The following ASIC2 variants were observed in gnomAD, a reference collection of about 807,000 sequenced individuals.
The protein encoded by ASIC2 is acid-sensing ion channel 2.
Under a neutral mutation model 57.3 loss-of-function variants are expected in ASIC2, and 25 were observed. That is an observed-to-expected ratio of 0.44 (90% CI 0.32 to 0.61). The LOEUF is 0.61. Ranked by LOEUF, ASIC2 falls within the 20% of genes least tolerant of loss-of-function variation. ASIC2 has a pLI of 0.06. For synonymous variants in ASIC2, 319 were observed against 307.5 expected (o/e 1.04, Z -0.39); for missense variants, 641 against 738.1 (o/e 0.87, Z 1.52).
At chr17:33,398,452 G>A (rs1910158699) in intron 1 of ASIC2, among the ~76,000 whole-genome samples, 1 of 152,158 alleles carries the variant, frequency 6.6e-6, no homozygotes, top group South Asian at 2.1e-4. Context: ...GGGCCTCTTG[G>A]TGATGATGGT....
rs565676926 is a variant in ASIC2, at chr17:33,540,029, C to A, written c.556-427962G>T. ...TCCTTGGGCTGCCATAACAAAGTAC[C>A]CCAGGTTGGGCACCTTCAACAACAG... On this transcript the variant is annotated intron_variant, in intron 1 of 9. Transcript: ENST00000359872. Among the ~76,000 whole-genome samples, 11 of 152,282 alleles carry A rather than the reference C, an allele frequency of 7.2e-5. No homozygotes were observed. The South Asian group carries it at 2.3e-3, about 32-fold the overall frequency.
In ASIC2 at chr17:33,526,977, A is replaced by G. The variant is rs1056531741; in HGVS notation, c.556-414910T>C. On this transcript the variant is annotated intron_variant, in intron 1 of 9. Transcript: ENST00000359872. ...CACATAATTGAGACAGATTATCTCT[A>G]TTTTCCAGCTAGTCATTTTATATTT... 2.0e-5 allele frequency among the ~76,000 whole-genome samples: 3 copies of G among 152,062 alleles called. No homozygotes were observed. The South Asian group carries it at 6.2e-4, about 32-fold the overall frequency.
intron 1 of ASIC2, among the ~76,000 whole-genome samples, chr17:33,141,013 C>T (rs2092385612): frequency 6.6e-6 from 1 of 152,222 alleles, no homozygotes; most frequent in South Asian, 2.1e-4. Flanking sequence ...CTGCAGAGCT[C>T]TGGGGGCTCT....
At chr17:33,942,187 A>C (rs1916206313) in intron 1 of ASIC2, among the ~76,000 whole-genome samples, 1 of 152,158 alleles carries the variant, frequency 6.6e-6, no homozygotes, top group Non-Finnish European at 1.5e-5. Context: ...TAACTTAAGC[A>C]ATGCCTGAAA....
intron 1 of ASIC2, among the ~76,000 whole-genome samples, chr17:34,154,190 G>T (rs144806363): frequency 5.9e-4 from 90 of 152,308 alleles, no homozygotes; most frequent in African/African-American, 2.0e-3. Flanking sequence ...CAAGCTGCAC[G>T]GTGCAGTGGT....
At chr17:33,128,714 C>T (rs2092334186) in intron 1 of ASIC2, among the ~76,000 whole-genome samples, 1 of 152,210 alleles carries the variant, frequency 6.6e-6, no homozygotes, top group South Asian at 2.1e-4. Context: ...GGTGAGGTGC[C>T]TCTCTAATTT....
intron 1 of ASIC2, among the ~76,000 whole-genome samples, chr17:33,148,645 T>C (rs1042724670): frequency 2.8e-4 from 42 of 152,382 alleles, no homozygotes; most frequent in African/African-American, 9.4e-4. Context: ...TCCATACTTC[T>C]TTATTATGAA....
At position 33,063,286 on chromosome 17, in the gene ASIC2, G is replaced by T. The variant is rs2092028616; in HGVS notation, c.987+25577C>A. On this transcript the variant is annotated intron_variant, in intron 3 of 9. Coordinates refer to ENST00000225823, the MANE Select transcript of ASIC2 (RefSeq NM_183377.2). ...GGTCTTTACAATTTGTCATGTTTTT[G>T]CAGTGGCTGGTACCAGCTGTTCCTT... Among the ~76,000 whole-genome samples the T allele has an allele frequency of 2.0e-5, 3 of 152,304 alleles. No homozygotes were observed. In the South Asian group the frequency reaches 6.2e-4, roughly 32 times the overall value.
At chr17:33,178,085 A>T (rs1164685223) in intron 1 of ASIC2, among the ~76,000 whole-genome samples, 3 of 152,180 alleles carry the variant, frequency 2.0e-5, no homozygotes, top group Non-Finnish European at 2.9e-5. Flanking sequence ...TGGGTTAAGA[A>T]TCCCTAGGTT....
chr17:33,571,600 T>C (rs550049414), intron 1 of ASIC2, among the ~76,000 whole-genome samples: 7 of 152,332 alleles, frequency 4.6e-5, no homozygotes, highest in African/African-American at 1.2e-4. Context: ...CACACATAAA[T>C]GTGTGAAATG....
chr17:33,682,867 AG>A, intron 1 of ASIC2, among the ~76,000 whole-genome samples: 1 of 152,338 alleles, frequency 6.6e-6, no homozygotes, highest in Middle Eastern at 3.4e-3. Flanking sequence ...TTATTTTAAC[AG>A]TGAATGAAGT....
intron 1 of ASIC2, among the ~76,000 whole-genome samples, chr17:33,690,939 C>T (rs771413765): frequency 4.0e-5 from 6 of 151,616 alleles, no homozygotes; most frequent in Admixed American, 6.6e-5. Flanking sequence ...TTAGTAGAGA[C>T]GGGGTTTCAC....
At chr17:33,791,894 A>G (rs1282754939) in intron 1 of ASIC2, 3 of 152,136 alleles carry the variant, frequency 2.0e-5, no homozygotes, top group African/African-American at 7.2e-5. Context: ...TGCAGCCTCC[A>G]ACTCCTGGGC....
At chr17:33,799,898 C>T (rs1410731180) in intron 1 of ASIC2, among the ~76,000 whole-genome samples, 1 of 152,170 alleles carries the variant, frequency 6.6e-6, no homozygotes, top group Non-Finnish European at 1.5e-5. Context: ...TGGGTCCCCA[C>T]AAATACTGCG....
intron 3 of ASIC2, among the ~76,000 whole-genome samples, chr17:33,077,374 CA>C (rs1391848595): frequency 6.6e-6 from 1 of 152,108 alleles, no homozygotes; most frequent in African/African-American, 2.4e-5. Flanking sequence ...GCCATTTATT[CA>C]TTCATTGATT....
chr17:33,497,628 C>T (rs1048210703), intron 1 of ASIC2, among the ~76,000 whole-genome samples: 2 of 152,186 alleles, frequency 1.3e-5, no homozygotes, highest in Admixed American at 1.3e-4. Context: ...CCTGCCCCCA[C>T]TAGGGCAGGG....
chr17:33,752,346 T>C (rs1222761355), intron 1 of ASIC2, among the ~76,000 whole-genome samples: 1 of 152,092 alleles, frequency 6.6e-6, no homozygotes, highest in Non-Finnish European at 1.5e-5. Context: ...ACCTCAATCA[T>C]TCCCATACTC....
intron 1 of ASIC2, among the ~76,000 whole-genome samples, chr17:33,815,314 C>T (rs1212430417): frequency 6.6e-6 from 1 of 152,182 alleles, no homozygotes; most frequent in Non-Finnish European, 1.5e-5. Flanking sequence ...AGTTCACACG[C>T]TCTGGTTGGT....
chr17:33,974,741 T>C (rs1478577355), intron 1 of ASIC2, among the ~76,000 whole-genome samples: 2 of 152,008 alleles, frequency 1.3e-5, no homozygotes, highest in Non-Finnish European at 2.9e-5. Flanking sequence ...ACACCTATTT[T>C]AGCCTTAGTT....
Sources: gnomAD v4.1 joint callset for allele counts (sites outside exome capture counted in the v4.1 genomes callset) on GRCh38, gnomAD v4.1.1 for gene constraint, MANE v1.5 for transcripts, NCBI Gene and HGNC (gene_info 2026-07-23, HGNC 2026-07-21) for gene names.